Variants in C8orf33 observed in about 807,000 individuals in gnomAD.
C8orf33 encodes chromosome 8 open reading frame 33, also known as UPF0488 protein C8orf33.
Under a neutral mutation model 25.7 loss-of-function variants are expected in C8orf33, and 28 were observed. The observed-to-expected ratio is 1.09, with a 90% confidence interval of 0.81 to 1.49. The LOEUF (loss-of-function observed/expected upper bound fraction) is 1.49, where lower values mean the gene tolerates loss of function less well. Ranked by LOEUF, C8orf33 falls within the 40% of genes most tolerant of loss-of-function variation. C8orf33 has a pLI of 0.00. For missense variants in C8orf33, 369 were observed against 294.4 expected (o/e 1.25, Z -1.85); for synonymous variants, 153 against 115.9 (o/e 1.32, Z -2.06).
intron 2 of C8orf33, 69 bp downstream of exon 2, chr8:145,052,966 G>C: frequency 6.2e-7 from 1 of 1,602,208 alleles, no homozygotes; most frequent in Non-Finnish European, 8.5e-7. Flanking sequence ...TGTGATCTGG[G>C]GTCCGCGGAG....
At position 145,053,317 on chromosome 8, in the gene C8orf33, A is replaced by G; in HGVS notation, c.424A>G (p.Ile142Val). ...CGCAGAAGAGCAGGCTATTGGAGCA[A>G]TCCGAACCCTGCGCAGCAAAAGAAC... ...PKQKEQAIGA[I>V]RTLRSKRTPL... The change falls in exon 4 of 5, where the codon ATC (isoleucine) becomes GTC (valine). Residue 142 changes from isoleucine to valine, a missense_variant. Coordinates refer to ENST00000331434, the MANE Select transcript of C8orf33 (RefSeq NM_023080.3). 1.2e-6 allele frequency: 2 copies of G among 1,614,210 alleles called. No individual in the cohort carries two copies. The highest frequency in any genetic ancestry group is 1.7e-6 in the Non-Finnish European group (2 of 1,180,028).
chr8:145,054,341 G>A lies in C8orf33; in HGVS notation c.*184G>A. ...ATCAGATAGGCAAAAGACCCCGTTC[G>A]TTTTCTGATGAAATGTTCTCTCTTT... On this transcript the variant is annotated 3_prime_UTR_variant, in exon 5 of 5. Coordinates refer to ENST00000331434, the MANE Select transcript of C8orf33 (RefSeq NM_023080.3). 3.7e-6 allele frequency: 2 copies of A among 545,330 alleles called. No individual in the cohort carries two copies. Among genetic ancestry groups the A allele is most frequent in the South Asian group, 2.8e-5 (1 of 35,560 alleles). The allele number at this position is 545,330 out of a possible 1,614,324, so 33.8% of individuals were successfully genotyped here. A position where few individuals can be genotyped will look rare whatever the true frequency, so the allele number is the denominator to read the frequency against.
Position 145,055,509 on chromosome 8 carries a change from A to C in C8orf33, c.*1352A>C, listed in dbSNP as rs1226980998. The C allele has an allele frequency of 2.9e-5, 5 of 171,996 alleles. No individual in the cohort carries two copies. Among genetic ancestry groups the C allele is most frequent in the Non-Finnish European group, 4.9e-5 (4 of 81,592 alleles). 10.7% of individuals were successfully genotyped at this position (171,996 alleles called of 1,614,324 possible). ...TGGACCATGGTCTAGCAGTAGCATCAGTGTCAAGGAAAAACACCCACTACT... is the reference window on the plus strand; with the variant it reads ...TGGACCATGGTCTAGCAGTAGCATCCGTGTCAAGGAAAAACACCCACTACT... On this transcript the variant is annotated 3_prime_UTR_variant, in exon 5 of 5. Transcript: ENST00000331434.
At position 145,054,234 on chromosome 8, in the gene C8orf33, G is replaced by A; in HGVS notation, c.*77G>A. 6.6e-7 allele frequency: 1 copy of A among 1,517,470 alleles called. No homozygotes were observed. The highest frequency in any genetic ancestry group is 1.2e-5 in the South Asian group (1 of 80,832). The allele number at this position is 1,517,470 out of a possible 1,614,324, so 94.0% of individuals were successfully genotyped here. On this transcript the variant is annotated 3_prime_UTR_variant, in exon 5 of 5. Coordinates refer to ENST00000331434, the MANE Select transcript of C8orf33 (RefSeq NM_023080.3). The stretch of plus-strand genomic sequence containing the variant: ...TGTTTTGAGTGCAGAGCCTTTCCAG[G>A]ACTTCTGTTGTCAGAGAACCCTGGA...
chr8:145,053,190 C>T (rs769544557), intron 3 of C8orf33, 44 bp downstream of exon 3: 1 of 1,613,240 alleles, frequency 6.2e-7, no homozygotes, highest in Non-Finnish European at 8.5e-7. Context: ...AACAGTGGCA[C>T]TGCCTGGCCT....
intron 4 of C8orf33, 164 bp downstream of exon 4, chr8:145,053,607 C>T: frequency 1.4e-6 from 1 of 705,258 alleles, no homozygotes; most frequent in Non-Finnish European, 2.3e-6. Context: ...CCTCTCTTTC[C>T]TCTTCCTAGG....
rs1383015352 is a variant in C8orf33 at position 145,054,740 on chromosome 8, TATC to T, written c.*587_*589del. On this transcript the variant is annotated 3_prime_UTR_variant, in exon 5 of 5. Coordinates refer to ENST00000331434, the MANE Select transcript of C8orf33 (RefSeq NM_023080.3). ...CATGTTGCCTTCATTCCTGAGCAGG[TATC>T]ATCCTCAGGGAACCAGCATGGCACC... 2 of 152,494 alleles carry T rather than the reference TATC, an allele frequency of 1.3e-5. No homozygotes were observed. The highest frequency in any genetic ancestry group is 3.8e-4 in the East Asian group (2 of 5,208). The allele number at this position is 152,494 out of a possible 1,614,324, so 9.4% of individuals were successfully genotyped here.
intron 3 of C8orf33, 22 bp from the exon 4 acceptor site, chr8:145,053,275 A>G (rs1261511529): frequency 3.1e-6 from 5 of 1,613,946 alleles, no homozygotes; most frequent in Middle Eastern, 3.3e-4. Flanking sequence ...GGTGTTCACT[A>G]GTCCTTTATT....
chr8:145,053,392 A>G lies in C8orf33; in HGVS notation c.499A>G (p.Arg167Gly). 2 of 1,614,222 alleles carry G rather than the reference A, an allele frequency of 1.2e-6. No homozygotes were observed. The highest frequency in any genetic ancestry group is 1.3e-5 in the African/African-American group (1 of 75,056). ...GATGCACTCCTTGTTTGGAGACTAT[A>G]GGGCTCAGATGGAAGCCGAATGGCG... The part of the protein sequence containing the change: ...QLMHSLFGDY[R>G]AQMEAEWREA... Residue 167 changes from arginine to glycine, a missense_variant, in exon 4 of 5, where the codon AGG becomes GGG. Arg to Gly is a moderately radical substitution (Grantham distance 125, BLOSUM62 -2). Transcript: ENST00000331434.
rs536619162 is a variant in C8orf33, at chr8:145,054,887, C to G, written c.*730C>G. 6.6e-6 allele frequency: 1 copy of G among 152,266 alleles called. No individual in the cohort carries two copies. Among genetic ancestry groups the G allele is most frequent in the South Asian group, 2.1e-4 (1 of 4,830 alleles). The allele number at this position is 152,266 out of a possible 1,614,324, so 9.4% of individuals were successfully genotyped here. A position where few individuals can be genotyped will look rare whatever the true frequency, so the allele number is the denominator to read the frequency against. ...TAAATGTTGGCCATTCAGTCTCAGGCCCTCTGTTCCATGGAATTGGGAATC... is the reference window on the plus strand; with the variant it reads ...TAAATGTTGGCCATTCAGTCTCAGGGCCTCTGTTCCATGGAATTGGGAATC... On this transcript the variant is annotated 3_prime_UTR_variant, in exon 5 of 5. Coordinates refer to ENST00000331434, the MANE Select transcript of C8orf33 (RefSeq NM_023080.3).
In C8orf33 at chr8:145,053,085, G is replaced by A; in HGVS notation, c.342G>A (p.Leu114=). The change falls in exon 3 of 5, where the codon TTG becomes TTA. Residue 114 remains leucine, a synonymous_variant. Transcript: ENST00000331434. ...EAQAQQLAQE[L]AWCVEQLELG... ...AGGCACAACAGTTGGCCCAGGAATT[G>A]GCTTGGTGTGTGGAGCAACTGGAGC... is the stretch of plus-strand genomic sequence containing the variant. The A allele has an allele frequency of 6.2e-7, 1 of 1,614,172 alleles. No homozygotes were observed. The highest frequency in any genetic ancestry group is 8.5e-7 in the Non-Finnish European group (1 of 1,180,022).
rs148231396 is a variant in C8orf33 at position 145,054,045 on chromosome 8, T to C, written c.578T>C (p.Val193Ala). 69 of 1,614,102 alleles carry C rather than the reference T, an allele frequency of 4.3e-5. No homozygotes were observed. The highest frequency in any genetic ancestry group is 5.8e-5 in the Non-Finnish European group (69 of 1,180,000). The part of the protein sequence containing the change: ...AAAYSAQVQP[V>A]DGATRKKSQR... Reference sequence around the variant, plus strand: ...GCTTATTCAGCCCAGGTGCAACCTGTAGATGGAGCCACCAGAAAGAAGAGC... The same window carrying C: ...GCTTATTCAGCCCAGGTGCAACCTGCAGATGGAGCCACCAGAAAGAAGAGC... Residue 193 changes from valine to alanine, a missense_variant, in exon 5 of 5, where the codon GTA (valine) becomes GCA (alanine). Val to Ala is a moderately conservative substitution (Grantham distance 64, BLOSUM62 0). Transcript: ENST00000331434.
At chr8:145,053,812 A>T in intron 4 of C8orf33, 1 of 645,270 alleles carries the variant, frequency 1.5e-6, no homozygotes. Flanking sequence ...CAAATCCTGG[A>T]TCTACCACAT....
At chr8:145,053,891 A>C in intron 4 of C8orf33, 127 bp from the exon 5 acceptor site, 6 of 1,172,054 alleles carry the variant, frequency 5.1e-6, no homozygotes, top group African/African-American at 1.5e-5. Flanking sequence ...TATCAACCTT[A>C]CAAATTTGAG....
chr8:145,052,481 G>A lies in C8orf33; in HGVS notation c.-11G>A. On this transcript the variant is annotated 5_prime_UTR_variant, in exon 1 of 5. Coordinates refer to ENST00000331434, the MANE Select transcript of C8orf33 (RefSeq NM_023080.3). ...CTGCGCCCCGCGTAGTTCCGGTGGC[G>A]ACTGCGGCGCATGGCGGTGAGCGGT... 5 of 1,598,224 alleles carry A rather than the reference G, an allele frequency of 3.1e-6. No individual in the cohort carries two copies. The highest frequency in any genetic ancestry group is 4.2e-6 in the Non-Finnish European group (5 of 1,179,234).
rs146866050 is a variant in C8orf33, at chr8:145,052,836, G to A, written c.257G>A (p.Gly86Glu). Residue 86 changes from glycine (G) to glutamate (E), a missense_variant, in exon 2 of 5, where the codon GGA (glycine) becomes GAA (glutamate). Transcript: ENST00000331434. ...CGGAACAGGGCCTCTGTGGCAAATGGAGGCGAGAAGGCCTCAGAGAAACTC... is the reference window on the plus strand; with the variant it reads ...CGGAACAGGGCCTCTGTGGCAAATGAAGGCGAGAAGGCCTCAGAGAAACTC... ...KTRNRASVANGGEKASEKLAP... is the reference protein window; with the variant it reads ...KTRNRASVANEGEKASEKLAP... The A allele has an allele frequency of 6.2e-6, 10 of 1,614,018 alleles. No individual in the cohort carries two copies. Among genetic ancestry groups the A allele is most frequent in the Non-Finnish European group, 7.6e-6 (9 of 1,180,028 alleles).
At chr8:145,053,757 C>T in intron 4 of C8orf33, 1 of 586,464 alleles carries the variant, frequency 1.7e-6, no homozygotes. Flanking sequence ...AAGCCATATC[C>T]CATAACAGTT....
At chr8:145,053,884 C>G (rs1465409182) in intron 4 of C8orf33, 134 bp from the exon 5 acceptor site, 1 of 1,147,554 alleles carries the variant, frequency 8.7e-7, no homozygotes, top group Non-Finnish European at 1.2e-6. Context: ...ATAGTAATAT[C>G]AACCTTACAA....
rs1384403545 is a variant in C8orf33, at chr8:145,053,436, C to T, written c.543C>T (p.Leu181=). 2.5e-6 allele frequency: 4 copies of T among 1,614,078 alleles called. No homozygotes were observed. The highest frequency in any genetic ancestry group is 3.4e-6 in the Non-Finnish European group (4 of 1,180,004). Residue 181 remains leucine (L), a synonymous_variant, in exon 4 of 5, where the codon CTC becomes CTT. Coordinates refer to ENST00000331434, the MANE Select transcript of C8orf33 (RefSeq NM_023080.3). ...AATGGCGTGAGGCCCTGCGGGCTCT[C>T]AGAGCTGGTGAGGAGCTAGCCACTG... is the stretch of plus-strand genomic sequence containing the variant. The part of the protein sequence containing the change: ...EAEWREALRA[L]RAAAYSAQVQ...
Sources: gnomAD v4.1 joint callset for allele counts on GRCh38, gnomAD v4.1.1 for gene constraint, MANE v1.5 for transcripts, NCBI Gene and HGNC (gene_info 2026-07-23, HGNC 2026-07-21) for gene names.